Variants in SYNJ2BP observed in about 807,000 individuals in gnomAD.
The protein encoded by SYNJ2BP is synaptojanin 2 binding protein.
In SYNJ2BP, 10 loss-of-function variants were observed where a neutral mutation model predicts 16.9. The ratio of observed to expected loss-of-function variants is 0.59; its 90% CI spans 0.36 to 1.00. The LOEUF (loss-of-function observed/expected upper bound fraction) is 1.00. SYNJ2BP is among the 50% of genes least tolerant of loss of function. SYNJ2BP has a pLI of 0.01. For synonymous variants in SYNJ2BP, 54 were observed against 68.4 expected (o/e 0.79, Z 1.04); for missense variants, 162 against 186.7 (o/e 0.87, Z 0.77).
At chr14:70,387,570 G>A (rs2140831688) in intron 2 of SYNJ2BP, among the ~76,000 whole-genome samples, 1 of 152,246 alleles carries the variant, frequency 6.6e-6, no homozygotes, top group South Asian at 2.1e-4. Flanking sequence ...GGTGGCTCAC[G>A]CCTGTAATCC....
chr14:70,413,251 C>T (rs1241017972), intron 1 of SYNJ2BP, among the ~76,000 whole-genome samples: 3 of 152,174 alleles, frequency 2.0e-5, no homozygotes, highest in Non-Finnish European at 4.4e-5. Flanking sequence ...TCATCTAGCC[C>T]AAGTCCCTTC....
In SYNJ2BP at chr14:70,367,698, AGAG is replaced by A. The variant is rs1470537204; in HGVS notation, c.*5290_*5292del. ...GGTCTCAAAAAGATTTGCAGTTAAA[AGAG>A]GAACAGCAAAAAAGACTTACACCAA... On this transcript the variant is annotated 3_prime_UTR_variant, in exon 4 of 4. Coordinates refer to ENST00000256366, the MANE Select transcript of SYNJ2BP (RefSeq NM_018373.3). 1 of 152,164 alleles carries A rather than the reference AGAG, an allele frequency of 6.6e-6. No individual in the cohort carries two copies. 9.4% of individuals were successfully genotyped at this position (152,164 alleles called of 1,614,324 possible). A position where few individuals can be genotyped will look rare whatever the true frequency, so the allele number is the denominator to read the frequency against.
At chr14:70,403,380 G>A (rs145264107) in intron 1 of SYNJ2BP, among the ~76,000 whole-genome samples, 163 of 152,300 alleles carry the variant, frequency 1.1e-3, no homozygotes, top group African/African-American at 3.7e-3. Context: ...TCTTGAATAG[G>A]AGCTAGGTAA....
chr14:70,379,797 C>T lies in SYNJ2BP; in HGVS notation c.202-4026G>A, dbSNP rs149507636. Among the ~76,000 whole-genome samples the T allele has an allele frequency of 3.3e-5, 5 of 152,236 alleles. No homozygotes were observed. The East Asian group carries it at 7.7e-4, about 23-fold the overall frequency. ...TAGCCCATGTGATAGCTCTATTTCT[C>T]ATTATAAAGAAATAAGTACTTTCTT... On this transcript the variant is annotated intron_variant, in intron 2 of 3. Coordinates refer to ENST00000256366, the MANE Select transcript of SYNJ2BP (RefSeq NM_018373.3).
Position 70,368,075 on chromosome 14 carries a change from T to C in SYNJ2BP, c.*4916A>G, listed in dbSNP as rs576334097. 1.5e-4 allele frequency: 23 copies of C among 150,174 alleles called. No homozygotes were observed. Among genetic ancestry groups the C allele is most frequent in the African/African-American group, 4.6e-4 (19 of 41,328 alleles). The allele number at this position is 150,174 out of a possible 1,614,324, so 9.3% of individuals were successfully genotyped here. A position where few individuals can be genotyped will look rare whatever the true frequency, so the allele number is the denominator to read the frequency against. On this transcript the variant is annotated 3_prime_UTR_variant, in exon 4 of 4. Transcript: ENST00000256366. ...ACTTCCCCACATACCTGACAGCCTA[T>C]ACACTTCCTTATGTTTCATTTCTTT...
At chr14:70,386,537 G>A (rs1170883799) in intron 2 of SYNJ2BP, among the ~76,000 whole-genome samples, 2 of 152,110 alleles carry the variant, frequency 1.3e-5, no homozygotes, top group East Asian at 3.9e-4. Context: ...TCTTTTTGGG[G>A]GACTAAGTGG....
At chr14:70,379,528 A>G (rs7154657) in intron 2 of SYNJ2BP, among the ~76,000 whole-genome samples, 132,552 of 152,246 alleles carry the variant, frequency 0.87, 57,769 homozygotes, top group East Asian at 0.93. Context: ...TTTATCTTCC[A>G]AGATTGATCT....
intron 3 of SYNJ2BP, among the ~76,000 whole-genome samples, chr14:70,375,236 C>G (rs1887603398): frequency 7.0e-6 from 1 of 143,084 alleles, no homozygotes; most frequent in Non-Finnish European, 1.5e-5. Context: ...GGGTCTCACT[C>G]TCTTGCCCAG....
chr14:70,373,430 C>T (rs12434413), intron 3 of SYNJ2BP, among the ~76,000 whole-genome samples: 118,005 of 152,114 alleles, frequency 0.78, 45,896 homozygotes, highest in East Asian at 0.93. Flanking sequence ...ATTTGTGTAT[C>T]GTATCAGGAA....
intron 2 of SYNJ2BP, among the ~76,000 whole-genome samples, chr14:70,385,094 A>G (rs1338484652): frequency 6.6e-6 from 1 of 152,088 alleles, no homozygotes; most frequent in Non-Finnish European, 1.5e-5. Context: ...TATTTTGGTA[A>G]AGTAAAATCT....
chr14:70,375,290 C>G (rs1887605384), intron 3 of SYNJ2BP, among the ~76,000 whole-genome samples: 1 of 151,744 alleles, frequency 6.6e-6, no homozygotes, highest in South Asian at 2.1e-4. Flanking sequence ...CAACCTCTAC[C>G]TCCTGGGCTC....
chr14:70,388,534 C>A lies in SYNJ2BP; in HGVS notation c.137G>T (p.Arg46Leu). ...VSNDSGIYVS[R>L]IKENGAAALD... ...GGCCGCAGCCCCATTTTCTTTGATG[C>A]GGCTGACGTAGATGCCACTGTCGTT... The change falls in exon 2 of 4, where the codon CGC (arginine) becomes CTC (leucine). Residue 46 changes from arginine (R) to leucine (L), a missense_variant. Transcript: ENST00000256366. 18 of 1,599,192 alleles carry A rather than the reference C, an allele frequency of 1.1e-5. No individual in the cohort carries two copies. Among genetic ancestry groups the A allele is most frequent in the Non-Finnish European group, 1.5e-5 (18 of 1,173,108 alleles).
chr14:70,388,547 T>A lies in SYNJ2BP; in HGVS notation c.124A>T (p.Ile42Phe), dbSNP rs1887910381. 3.1e-6 allele frequency: 5 copies of A among 1,600,648 alleles called. No homozygotes were observed. The highest frequency in any genetic ancestry group is 2.6e-6 in the Non-Finnish European group (3 of 1,173,914). Residue 42 changes from isoleucine to phenylalanine, a missense_variant, in exon 2 of 4, where the codon ATC (isoleucine) becomes TTC (phenylalanine). Transcript: ENST00000256366. ...DQQYVSNDSG[I>F]YVSRIKENGA... ...TTTTCTTTGATGCGGCTGACGTAGA[T>A]GCCACTGTCGTTGGAGACATACTGC...
intron 2 of SYNJ2BP, among the ~76,000 whole-genome samples, chr14:70,376,197 T>C: frequency 6.6e-6 from 1 of 152,244 alleles, no homozygotes. Flanking sequence ...AATATAACTC[T>C]ATGAAACTCT....
chr14:70,415,154 C>T (rs1277954383), intron 1 of SYNJ2BP, among the ~76,000 whole-genome samples: 1 of 134,194 alleles, frequency 7.5e-6, no homozygotes, highest in Non-Finnish European at 1.6e-5. Context: ...GCCTGGGCAA[C>T]AAAGTGAGAC....
chr14:70,399,002 A>G (rs1411593804), intron 1 of SYNJ2BP, among the ~76,000 whole-genome samples: 1 of 152,104 alleles, frequency 6.6e-6, no homozygotes, highest in Non-Finnish European at 1.5e-5. Flanking sequence ...TCAGGCTCGG[A>G]AGTCACCCAG....
chr14:70,378,483 G>A (rs577013665), intron 2 of SYNJ2BP, among the ~76,000 whole-genome samples: 4 of 137,464 alleles, frequency 2.9e-5, no homozygotes, highest in African/African-American at 1.1e-4. Flanking sequence ...GGCTGTCACA[G>A]TGGTGTGATC....
intron 1 of SYNJ2BP, among the ~76,000 whole-genome samples, chr14:70,394,084 C>G (rs1328904717): frequency 6.7e-6 from 1 of 150,032 alleles, no homozygotes; most frequent in Non-Finnish European, 1.5e-5. Flanking sequence ...AAACCTATTA[C>G]AGCTATTTAC....
Position 70,366,809 on chromosome 14 carries a change from AC to A in SYNJ2BP, c.*6181del, listed in dbSNP as rs1246445169. 1 of 152,234 alleles carries A rather than the reference AC, an allele frequency of 6.6e-6. No homozygotes were observed. Among genetic ancestry groups the A allele is most frequent in the Non-Finnish European group, 1.5e-5 (1 of 68,046 alleles). The allele number at this position is 152,234 out of a possible 1,614,324, so 9.4% of individuals were successfully genotyped here. On this transcript the variant is annotated 3_prime_UTR_variant, in exon 4 of 4. Coordinates refer to ENST00000256366, the MANE Select transcript of SYNJ2BP (RefSeq NM_018373.3). The stretch of plus-strand genomic sequence containing the variant: ...TGAAGCAGAAAGGAAGCAAAACAAA[AC>A]AGGGTTCATGAGGAAAATAATCTTC...
Sources: gnomAD v4.1 joint callset for allele counts (sites outside exome capture counted in the v4.1 genomes callset) on GRCh38, gnomAD v4.1.1 for gene constraint, MANE v1.5 for transcripts, NCBI Gene and HGNC (gene_info 2026-07-23, HGNC 2026-07-21) for gene names.